The following ERC2 variants were observed in gnomAD, a reference collection of about 807,000 sequenced individuals.
ERC2 encodes the protein ERC protein 2.
Under a neutral mutation model 114.8 loss-of-function variants are expected in ERC2, and 42 were observed. That is an observed-to-expected ratio of 0.37 (90% CI 0.29 to 0.47). The LOEUF (loss-of-function observed/expected upper bound fraction) is 0.47, where lower values mean the gene tolerates loss of function less well. Ranked by LOEUF, ERC2 falls within the 20% of genes least tolerant of loss-of-function variation. The probability of loss-of-function intolerance (pLI) is 0.99; values close to 1 mark genes in which losing one functional copy is unlikely to be tolerated. For missense variants in ERC2, 939 were observed against 1,150.7 expected, an observed-to-expected ratio of 0.82 and a Z score of 2.66; for synonymous variants, 454 against 425.5, an observed-to-expected ratio of 1.07 and a Z score of -0.82.
At chr3:56,114,877 G>A (rs1029107727) in intron 6 of ERC2, among the ~76,000 whole-genome samples, 3 of 152,104 alleles carry the variant, frequency 2.0e-5, no homozygotes, top group Non-Finnish European at 4.4e-5. Flanking sequence ...CTGAAACAAA[G>A]CCTTCCTTGC....
chr3:55,896,088 T>C (rs1455223846), intron 13 of ERC2, among the ~76,000 whole-genome samples: 7 of 152,134 alleles, frequency 4.6e-5, no homozygotes, highest in Non-Finnish European at 1.0e-4. Flanking sequence ...TTCCACATGC[T>C]CTGTCCTGGG....
At chr3:56,150,710 T>C (rs1183765102) in intron 4 of ERC2, among the ~76,000 whole-genome samples, 1 of 152,202 alleles carries the variant, frequency 6.6e-6, no homozygotes, top group African/African-American at 2.4e-5. Context: ...TCATGTATAT[T>C]CTGCCAGTAT....
intron 12 of ERC2, among the ~76,000 whole-genome samples, chr3:55,966,996 A>T (rs1392880077): frequency 6.6e-6 from 1 of 152,212 alleles, no homozygotes; most frequent in African/African-American, 2.4e-5. Context: ...TCTCTTTTAC[A>T]TGTAGGCTCT....
intron 16 of ERC2, among the ~76,000 whole-genome samples, chr3:55,684,730 C>A (rs1284628601): frequency 6.6e-6 from 1 of 152,192 alleles, no homozygotes; most frequent in Non-Finnish European, 1.5e-5. Flanking sequence ...GAAATGGAAT[C>A]TTTGAAGACA....
At chr3:55,849,297 T>A (rs533379571) in intron 14 of ERC2, among the ~76,000 whole-genome samples, 3 of 152,198 alleles carry the variant, frequency 2.0e-5, no homozygotes, top group Non-Finnish European at 4.4e-5. Flanking sequence ...ATGTAGGAAG[T>A]GCTGACTCCT....
chr3:55,707,251 T>G (rs2063540336), intron 15 of ERC2, among the ~76,000 whole-genome samples: 2 of 151,976 alleles, frequency 1.3e-5, no homozygotes, highest in African/African-American at 2.4e-5. Flanking sequence ...TTGGGCAACA[T>G]AGTGAAACCC....
chr3:56,043,301 T>C (rs1460005544), intron 7 of ERC2, among the ~76,000 whole-genome samples: 2 of 152,182 alleles, frequency 1.3e-5, no homozygotes, highest in East Asian at 1.9e-4. Flanking sequence ...AAGGGGATCA[T>C]TGTGTGTGGC....
intron 13 of ERC2, among the ~76,000 whole-genome samples, chr3:55,889,389 A>C (rs2063503809): frequency 6.6e-6 from 1 of 152,164 alleles, no homozygotes; most frequent in Non-Finnish European, 1.5e-5. Context: ...TTTGCCCCTG[A>C]AGTTTGAGAG....
intron 17 of ERC2, chr3:55,658,586 T>C (rs1489059387): frequency 6.5e-6 from 1 of 152,728 alleles, no homozygotes; most frequent in Non-Finnish European, 1.5e-5. Context: ...TATCAAAAGA[T>C]AGGGAGACAG....
intron 17 of ERC2, among the ~76,000 whole-genome samples, chr3:55,574,081 G>A (rs2056855676): frequency 6.6e-6 from 1 of 152,146 alleles, no homozygotes; most frequent in African/African-American, 2.4e-5. Context: ...GAAGCTACTT[G>A]GTGTCAAGTT....
Position 56,118,459 on chromosome 3 carries a change from G to C in ERC2, c.1473+21050C>G, listed in dbSNP as rs74601911. Among the ~76,000 whole-genome samples, 971 of 152,176 alleles carry C rather than the reference G, an allele frequency of 6.4e-3. 17 individuals carry two copies. Among genetic ancestry groups the C allele is most frequent in the African/African-American group, 0.022 (922 of 41,522 alleles). On this transcript the variant is annotated intron_variant, in intron 6 of 17. Coordinates refer to ENST00000288221, the MANE Select transcript of ERC2 (RefSeq NM_015576.3). The stretch of plus-strand genomic sequence containing the variant: ...CAGCTATTACAGCAGGAATTTCCTA[G>C]AAGGAAACAGCAAGAAAGAAGATAA...
At chr3:56,221,147 A>G (rs2049877611) in intron 3 of ERC2, among the ~76,000 whole-genome samples, 1 of 151,992 alleles carries the variant, frequency 6.6e-6, no homozygotes, top group African/African-American at 2.4e-5. Context: ...TCTATAATCT[A>G]ATTTGAAAAT....
chr3:56,353,754 T>G (rs1190396375), intron 2 of ERC2, among the ~76,000 whole-genome samples: 1 of 151,610 alleles, frequency 6.6e-6, no homozygotes, highest in Non-Finnish European at 1.5e-5. Context: ...TGTATACATA[T>G]GTAACAAACC....
At chr3:55,739,813 C>T (rs971740032) in intron 14 of ERC2, among the ~76,000 whole-genome samples, 7 of 151,948 alleles carry the variant, frequency 4.6e-5, no homozygotes, top group African/African-American at 7.3e-5. Flanking sequence ...TTGGTGTTTT[C>T]GTTATGAAGT....
intron 5 of ERC2, among the ~76,000 whole-genome samples, chr3:56,142,187 T>C (rs2149924700): frequency 6.6e-6 from 1 of 152,304 alleles, no homozygotes; most frequent in Non-Finnish European, 1.5e-5. Context: ...TTTTGTTTCA[T>C]CTAAATTTTC....
intron 3 of ERC2, among the ~76,000 whole-genome samples, chr3:56,245,003 G>C (rs1182266552): frequency 6.6e-6 from 1 of 152,056 alleles, no homozygotes; most frequent in Non-Finnish European, 1.5e-5. Flanking sequence ...TTGCTGTACA[G>C]GTTTGTAGCC....
Position 56,100,030 on chromosome 3 carries a change from A to T in ERC2, c.1474-19046T>A, listed in dbSNP as rs148732379. Among the ~76,000 whole-genome samples the T allele has an allele frequency of 6.4e-3, 976 of 152,330 alleles. 18 individuals are homozygous for T. The highest frequency in any genetic ancestry group is 0.022 in the African/African-American group (926 of 41,586). ...TGAGGGGAGGCAGAAGACATTCCAA[A>T]GTAACATAAATTTGGGAAATGCTCT... On this transcript the variant is annotated intron_variant, in intron 6 of 17. Transcript: ENST00000288221.
intron 17 of ERC2, among the ~76,000 whole-genome samples, chr3:55,597,047 A>G (rs2058172015): frequency 1.3e-5 from 2 of 152,226 alleles, no homozygotes; most frequent in Admixed American, 1.3e-4. Context: ...AAAATTGAAC[A>G]TGTGCTTGGT....
intron 13 of ERC2, among the ~76,000 whole-genome samples, chr3:55,946,059 G>A (rs1028292550): frequency 1.3e-5 from 2 of 150,762 alleles, no homozygotes; most frequent in African/African-American, 4.9e-5. Context: ...AATAGCTAGA[G>A]CTTTAAAAAG....
Sources: allele counts gnomAD v4.1 joint callset (sites outside exome capture counted in the v4.1 genomes callset), GRCh38; gene constraint gnomAD v4.1.1; transcripts MANE v1.5; gene names NCBI Gene and HGNC (gene_info 2026-07-23, HGNC 2026-07-21).